The following EIF1B variants were observed in gnomAD, a reference collection of about 807,000 sequenced individuals.
EIF1B encodes eukaryotic translation initiation factor 1B.
A neutral mutation model predicts 14.8 loss-of-function variants in EIF1B; 5 were observed. The ratio of observed to expected loss-of-function variants is 0.34; its 90% confidence interval spans 0.18 to 0.71. The LOEUF is 0.71. Among genes scored for constraint, EIF1B ranks in the 30% least tolerant of loss-of-function variants. The pLI is 0.64. For missense variants in EIF1B, 56 were observed against 134.0 expected (o/e 0.42, Z 2.87); for synonymous variants, 45 against 45.8 (o/e 0.98, Z 0.07).
chr3:40,310,331 A>T (rs1276614180), intron 1 of EIF1B, among the ~76,000 whole-genome samples: 1 of 152,194 alleles, frequency 6.6e-6, no homozygotes, highest in African/African-American at 2.4e-5. Context: ...GAAACCAGGG[A>T]TCGGCGCCCG....
At chr3:40,310,777 C>A in intron 1 of EIF1B, 116 bp from the exon 2 acceptor site, 1 of 1,154,406 alleles carries the variant, frequency 8.7e-7, no homozygotes, top group Non-Finnish European at 1.2e-6. Context: ...ACAGCAAAGG[C>A]ACTAGAACCT....
intron 1 of EIF1B, chr3:40,310,653 C>G (rs1401107759): frequency 2.8e-6 from 1 of 356,688 alleles, no homozygotes. Flanking sequence ...CATTATTTAT[C>G]TATAACAGCG....
At chr3:40,311,599 C>T in intron 3 of EIF1B, 28 bp downstream of exon 3, 1 of 1,528,310 alleles carries the variant, frequency 6.5e-7, no homozygotes, top group Non-Finnish European at 9.0e-7. Flanking sequence ...TTATGTGTAA[C>T]CTTGAGATTG....
rs1034734788 is a variant in EIF1B at position 40,309,992 on chromosome 3, G to A, written c.31+20G>A. 4 of 1,613,406 alleles carry A rather than the reference G, an allele frequency of 2.5e-6. No individual in the cohort carries two copies. The highest frequency in any genetic ancestry group is 3.4e-6 in the Non-Finnish European group (4 of 1,179,856). On this transcript the variant is annotated intron_variant, in intron 1 of 3. Transcript: ENST00000232905. ...CTTTCGGTAAGATCCCGTCGCCGCC[G>A]CCTCCCTCCCTTGCCCGGCGCGCAT...
At position 40,310,872 on chromosome 3, in the gene EIF1B, T is replaced by C. The variant is rs748733173; in HGVS notation, c.32-21T>C. The C allele has an allele frequency of 3.9e-6, 6 of 1,552,906 alleles. No individual in the cohort carries two copies. The South Asian group carries it at 7.2e-5, about 19-fold the overall frequency. On this transcript the variant is annotated intron_variant, in intron 1 of 3. Transcript: ENST00000232905. ...ATATTTTTCTACTTTGGATTTTTTT[T>C]TTTTTTTTATCCATTCGCAGACCCC...
rs1055835248 is a variant in EIF1B at position 40,312,185 on chromosome 3, A to G, written c.*171A>G. The stretch of plus-strand genomic sequence containing the variant: ...AAAACATGGGGTATGTAGACTAGTA[A>G]CACATAAGAAAATTGCAGTAAGATG... On this transcript the variant is annotated 3_prime_UTR_variant, in exon 4 of 4. Transcript: ENST00000232905. The G allele has an allele frequency of 1.6e-5, 9 of 578,218 alleles. No individual in the cohort carries two copies. The African/African-American group carries it at 1.7e-4, about 11-fold the overall frequency. 35.8% of individuals were successfully genotyped at this position (578,218 alleles called of 1,614,324 possible).
At chr3:40,311,933 TC>T in intron 3 of EIF1B, 36 bp from the exon 4 acceptor site, 1 of 1,412,098 alleles carries the variant, frequency 7.1e-7, no homozygotes, top group South Asian at 1.2e-5. Flanking sequence ...TTTATATTTC[TC>T]AGAGTTATTT....
chr3:40,310,839 CT>C (rs752045013), intron 1 of EIF1B, 53 bp from the exon 2 acceptor site: 5 of 1,493,536 alleles, frequency 3.3e-6, no homozygotes, highest in Non-Finnish European at 1.8e-6. Flanking sequence ...GAAAGTACTT[CT>C]TAAAAAATAT....
chr3:40,311,668 C>T lies in EIF1B; in HGVS notation c.297+97C>T, dbSNP rs1413398976. On this transcript the variant is annotated intron_variant, in intron 3 of 3. Coordinates refer to ENST00000232905, the MANE Select transcript of EIF1B (RefSeq NM_005875.3). The stretch of plus-strand genomic sequence containing the variant: ...GTTTTCTACTAAGTAAAAAATCATA[C>T]GAATGAAGGAAATTAGGTGAAATAA... 1.0e-5 allele frequency: 10 copies of T among 982,934 alleles called. 1 individual carries two copies. Among genetic ancestry groups the T allele is most frequent in the South Asian group, 3.0e-5 (2 of 66,142 alleles). 60.9% of individuals were successfully genotyped at this position (982,934 alleles called of 1,614,324 possible).
chr3:40,310,864 ATTTT>A (rs35523102), intron 1 of EIF1B, 25 bp from the exon 2 acceptor site: 79 of 1,411,316 alleles, frequency 5.6e-5, no homozygotes, highest in South Asian at 2.5e-4. Flanking sequence ...TCTACTTTGG[ATTTT>A]TTTTTTTTTT....
rs1954331779 is a variant in EIF1B, at chr3:40,312,022, C to T, written c.*8C>T. The T allele has an allele frequency of 1.2e-6, 2 of 1,603,032 alleles. No homozygotes were observed. Among genetic ancestry groups the T allele is most frequent in the East Asian group, 4.5e-5 (2 of 44,708 alleles). ...AAGGTTCATGGATTCTAAAATGAAC[C>T]TAAATACGTGGAGAATTTCTTGAAT... On this transcript the variant is annotated 3_prime_UTR_variant, in exon 4 of 4. Transcript: ENST00000232905.
In EIF1B at chr3:40,309,977, G is replaced by A. The variant is rs943585086; in HGVS notation, c.31+5G>A. The A allele has an allele frequency of 6.2e-7, 1 of 1,613,700 alleles. No individual in the cohort carries two copies. Among genetic ancestry groups the A allele is most frequent in the African/African-American group, 1.3e-5 (1 of 74,916 alleles). On this transcript the variant is annotated splice_donor_5th_base_variant and intron_variant, in intron 1 of 3. Coordinates refer to ENST00000232905, the MANE Select transcript of EIF1B (RefSeq NM_005875.3). ...TCCAGAACCTCCAATCTTTCGGTAA[G>A]ATCCCGTCGCCGCCGCCTCCCTCCC...
intron 1 of EIF1B, 72 bp downstream of exon 1, chr3:40,310,044 G>A: frequency 1.3e-6 from 2 of 1,581,902 alleles, no homozygotes; most frequent in Non-Finnish European, 1.7e-6. Context: ...CCTGGCCACC[G>A]CCCCTAGGGG....
intron 2 of EIF1B, 69 bp downstream of exon 2, chr3:40,311,125 C>A: frequency 1.4e-6 from 2 of 1,434,338 alleles, no homozygotes; most frequent in Non-Finnish European, 1.9e-6. Flanking sequence ...TGATTCACAC[C>A]TTTATATCGG....
chr3:40,310,475 TAC>T (rs1421851402), intron 1 of EIF1B, among the ~76,000 whole-genome samples: 2 of 129,330 alleles, frequency 1.5e-5, no homozygotes, highest in Non-Finnish European at 3.3e-5. Flanking sequence ...ATATGTAATC[TAC>T]TTTTTTTTTG....
chr3:40,310,743 C>G (rs2125569697), intron 1 of EIF1B, 150 bp from the exon 2 acceptor site: 1 of 699,484 alleles, frequency 1.4e-6, no homozygotes, highest in Non-Finnish European at 2.3e-6. Flanking sequence ...TACTCCACCC[C>G]CATCTCCATT....
Position 40,309,981 on chromosome 3 carries a change from C to CCGT in EIF1B, c.31+12_31+14dup. 1.9e-6 allele frequency: 3 copies of CCGT among 1,613,782 alleles called. No individual in the cohort carries two copies. Among genetic ancestry groups the CCGT allele is most frequent in the Non-Finnish European group, 2.5e-6 (3 of 1,179,936 alleles). ...GAACCTCCAATCTTTCGGTAAGATC[C>CCGT]CGTCGCCGCCGCCTCCCTCCCTTGC... On this transcript the variant is annotated intron_variant, in intron 1 of 3. Coordinates refer to ENST00000232905, the MANE Select transcript of EIF1B (RefSeq NM_005875.3).
chr3:40,310,851 T>C (rs755279770), intron 1 of EIF1B, 42 bp from the exon 2 acceptor site: 20 of 1,522,964 alleles, frequency 1.3e-5, no homozygotes, highest in Non-Finnish European at 1.7e-5. Context: ...TAAAAAATAT[T>C]TTTCTACTTT....
In EIF1B at chr3:40,312,294, G is replaced by T; in HGVS notation, c.*280G>T. On this transcript the variant is annotated 3_prime_UTR_variant, in exon 4 of 4. Coordinates refer to ENST00000232905, the MANE Select transcript of EIF1B (RefSeq NM_005875.3). ...TTGTTCAGTTTATTACGTTTCACTT[G>T]ATTAAATTTTTTTGTTGTTGTATTA... 1 of 191,866 alleles carries T rather than the reference G, an allele frequency of 5.2e-6. No individual in the cohort carries two copies. Among genetic ancestry groups the T allele is most frequent in the Admixed American group, 1.6e-4 (1 of 6,120 alleles). The allele number at this position is 191,866 out of a possible 1,614,324, so 11.9% of individuals were successfully genotyped here.
Sources: allele counts gnomAD v4.1 joint callset (sites outside exome capture counted in the v4.1 genomes callset), GRCh38; gene constraint gnomAD v4.1.1; transcripts MANE v1.5; gene names NCBI Gene and HGNC (gene_info 2026-07-23, HGNC 2026-07-21).